Variants in ZNF260 observed in about 807,000 individuals in gnomAD.
The protein encoded by ZNF260 is zinc finger protein 260, also known as zfp-260.
In ZNF260, 21 loss-of-function variants were observed where a neutral mutation model predicts 29.3. That is an observed-to-expected ratio of 0.72 (90% CI 0.51 to 1.03). The LOEUF is 1.03. Ranked by LOEUF, ZNF260 falls within the 50% of genes least tolerant of loss-of-function variation. The probability of loss-of-function intolerance (pLI) is 0.00; values close to 1 mark genes in which losing one functional copy is unlikely to be tolerated. For missense variants in ZNF260, 465 were observed against 487.8 expected, an observed-to-expected ratio of 0.95 and a Z score of 0.44; for synonymous variants, 156 against 156.8, an observed-to-expected ratio of 0.99 and a Z score of 0.04.
At chr19:36,525,592 G>A (rs991528972) in intron 1 of ZNF260, among the ~76,000 whole-genome samples, 3 of 152,140 alleles carry the variant, frequency 2.0e-5, no homozygotes, top group African/African-American at 4.8e-5. Flanking sequence ...TTCGAGACCC[G>A]CCTGGCCAAC....
In ZNF260 at chr19:36,515,128, G is replaced by A. The variant is rs1299831880; in HGVS notation, c.111C>T (p.Ser37=). 2.5e-6 allele frequency: 4 copies of A among 1,613,754 alleles called. No individual in the cohort carries two copies. Among genetic ancestry groups the A allele is most frequent in the Non-Finnish European group, 8.5e-7 (1 of 1,179,906 alleles). ...YECNECRKTF[S]LKQNLVEHKK... Reference sequence around the variant, plus strand: ...TATGCTCTACAAGGTTTTGCTTCAGGCTAAAAGTTTTTCTACATTCATTAC... The same window carrying A: ...TATGCTCTACAAGGTTTTGCTTCAGACTAAAAGTTTTTCTACATTCATTAC... Residue 37 remains serine (S), a synonymous_variant, in exon 3 of 3, where the codon AGC becomes AGT. Coordinates refer to ENST00000523638, the MANE Select transcript of ZNF260 (RefSeq NM_001166037.2).
chr19:36,519,520 A>C (rs1440039950), intron 2 of ZNF260, among the ~76,000 whole-genome samples: 3 of 152,198 alleles, frequency 2.0e-5, no homozygotes, highest in Non-Finnish European at 4.4e-5. Context: ...CATAAAATAC[A>C]ATATAAATAA....
chr19:36,527,360 A>G (rs892097488), intron 1 of ZNF260, among the ~76,000 whole-genome samples: 1 of 152,254 alleles, frequency 6.6e-6, no homozygotes, highest in Admixed American at 6.5e-5. Flanking sequence ...TATGTTAAGA[A>G]TAAGTGTGAC....
chr19:36,521,849 A>T (rs1018144427), intron 2 of ZNF260, among the ~76,000 whole-genome samples: 3 of 151,724 alleles, frequency 2.0e-5, no homozygotes, highest in African/African-American at 4.8e-5. Context: ...GGAGTTTGAG[A>T]CCAGTCTGGC....
intron 2 of ZNF260, among the ~76,000 whole-genome samples, chr19:36,516,631 C>T (rs556569299): frequency 1.2e-4 from 19 of 152,180 alleles, no homozygotes; most frequent in South Asian, 4.1e-4. Context: ...CAGGCTGGAG[C>T]GCAGTGGCAT....
intron 2 of ZNF260, among the ~76,000 whole-genome samples, chr19:36,516,313 A>C (rs1568551570): frequency 6.6e-6 from 1 of 152,206 alleles, no homozygotes; most frequent in Non-Finnish European, 1.5e-5. Context: ...AGAGAAAATA[A>C]GGCTAGGTAT....
Position 36,515,477 on chromosome 19 carries a change from C to T in ZNF260, c.-239G>A. ...ATTCTTAATGGTTCTTATATAGCTT[C>T]TCCCATATTTAGGTATAGATTGTAT... On this transcript the variant is annotated 5_prime_UTR_variant, in exon 3 of 3. Coordinates refer to ENST00000523638, the MANE Select transcript of ZNF260 (RefSeq NM_001166037.2). 2.5e-6 allele frequency: 1 copy of T among 401,436 alleles called. No homozygotes were observed. Among genetic ancestry groups the T allele is most frequent in the Non-Finnish European group, 4.6e-6 (1 of 218,642 alleles). 24.9% of individuals were successfully genotyped at this position (401,436 alleles called of 1,614,324 possible). A position where few individuals can be genotyped will look rare whatever the true frequency, so the allele number is the denominator to read the frequency against.
At chr19:36,520,900 C>A (rs1349065862) in intron 2 of ZNF260, among the ~76,000 whole-genome samples, 2 of 149,076 alleles carry the variant, frequency 1.3e-5, no homozygotes, top group African/African-American at 4.9e-5. Flanking sequence ...TGGCCAACAC[C>A]GTGAGACCCT....
chr19:36,524,430 C>T (rs1330787609), intron 2 of ZNF260, among the ~76,000 whole-genome samples: 4 of 151,892 alleles, frequency 2.6e-5, no homozygotes, highest in African/African-American at 9.7e-5. Flanking sequence ...CCGCCAGCCT[C>T]GGCCTCCCAA....
At chr19:36,521,497 A>C (rs2034644363) in intron 2 of ZNF260, among the ~76,000 whole-genome samples, 1 of 152,240 alleles carries the variant, frequency 6.6e-6, no homozygotes, top group African/African-American at 2.4e-5. Flanking sequence ...ACACGCCTGT[A>C]ATCCCAGCAC....
intron 1 of ZNF260, among the ~76,000 whole-genome samples, chr19:36,527,713 G>T (rs2034759515): frequency 6.6e-6 from 1 of 151,974 alleles, no homozygotes; most frequent in African/African-American, 2.4e-5. Context: ...GGGTGTACAG[G>T]CACCCAGTAA....
chr19:36,515,351 G>GT lies in ZNF260; in HGVS notation c.-114dup. 8.6e-7 allele frequency: 1 copy of GT among 1,159,742 alleles called. No homozygotes were observed. The highest frequency in any genetic ancestry group is 1.2e-6 in the Non-Finnish European group (1 of 855,536). 71.8% of individuals were successfully genotyped at this position (1,159,742 alleles called of 1,614,324 possible). ...GTGTATTTTCAATATTAATTCTCAGGTATCTAATGAAGTTAAATTTATGAT... is the reference window on the plus strand; with the variant it reads ...GTGTATTTTCAATATTAATTCTCAGGTTATCTAATGAAGTTAAATTTATGAT... On this transcript the variant is annotated 5_prime_UTR_variant, in exon 3 of 3. Coordinates refer to ENST00000523638, the MANE Select transcript of ZNF260 (RefSeq NM_001166037.2).
At chr19:36,524,077 T>C (rs2034688038) in intron 2 of ZNF260, among the ~76,000 whole-genome samples, 1 of 152,146 alleles carries the variant, frequency 6.6e-6, no homozygotes, top group South Asian at 2.1e-4. Context: ...GAAAGAATGA[T>C]AGAAAGTTAA....
rs986286214 is a variant in ZNF260 at position 36,515,337 on chromosome 19, A to C, written c.-99T>G. 1 of 1,251,156 alleles carries C rather than the reference A, an allele frequency of 8.0e-7. No homozygotes were observed. Among genetic ancestry groups the C allele is most frequent in the African/African-American group, 1.5e-5 (1 of 66,256 alleles). 77.5% of individuals were successfully genotyped at this position (1,251,156 alleles called of 1,614,324 possible). ...ACTAAATTCATATGGTGTATTTTCA[A>C]TATTAATTCTCAGGTATCTAATGAA... On this transcript the variant is annotated 5_prime_UTR_variant, in exon 3 of 3. Transcript: ENST00000523638.
intron 2 of ZNF260, among the ~76,000 whole-genome samples, chr19:36,518,477 T>C (rs2034589173): frequency 6.6e-6 from 1 of 152,074 alleles, no homozygotes; most frequent in African/African-American, 2.4e-5. Flanking sequence ...AAATAAACAA[T>C]ATGAAATTGA....
intron 2 of ZNF260, among the ~76,000 whole-genome samples, chr19:36,519,396 T>C (rs974485343): frequency 6.6e-6 from 1 of 152,178 alleles, no homozygotes; most frequent in Admixed American, 6.6e-5. Flanking sequence ...AGCAGTGATC[T>C]TACTAGTATC....
chr19:36,513,754 G>A lies in ZNF260; in HGVS notation c.*246C>T. 1 of 535,152 alleles carries A rather than the reference G, an allele frequency of 1.9e-6. No homozygotes were observed. Among genetic ancestry groups the A allele is most frequent in the Middle Eastern group, 4.8e-4 (1 of 2,064 alleles). 33.2% of individuals were successfully genotyped at this position (535,152 alleles called of 1,614,324 possible). On this transcript the variant is annotated 3_prime_UTR_variant, in exon 3 of 3. Transcript: ENST00000523638. ...ACACATTAAGTAGTGTCCATGACTA[G>A]ATCCTAACTTTAATGAGTATACTCC...
chr19:36,513,979 C>G lies in ZNF260; in HGVS notation c.*21G>C. On this transcript the variant is annotated 3_prime_UTR_variant, in exon 3 of 3. Coordinates refer to ENST00000523638, the MANE Select transcript of ZNF260 (RefSeq NM_001166037.2). Reference sequence around the variant, plus strand: ...AAATCTGCTGAACGTTTTGCTAAATCCAAGGCATTCATAGAGAACTTTAAT... The same window carrying G: ...AAATCTGCTGAACGTTTTGCTAAATGCAAGGCATTCATAGAGAACTTTAAT... The G allele has an allele frequency of 6.3e-7, 1 of 1,593,534 alleles. No homozygotes were observed. Among genetic ancestry groups the G allele is most frequent in the Non-Finnish European group, 8.6e-7 (1 of 1,167,162 alleles).
intron 2 of ZNF260, among the ~76,000 whole-genome samples, chr19:36,519,006 T>C (rs1324488046): frequency 2.6e-5 from 4 of 151,978 alleles, no homozygotes; most frequent in Non-Finnish European, 5.9e-5. Context: ...GAACTCCGGC[T>C]TGGGCAAGAG....
Sources: gnomAD v4.1 joint callset for allele counts (sites outside exome capture counted in the v4.1 genomes callset) on GRCh38, gnomAD v4.1.1 for gene constraint, MANE v1.5 for transcripts, NCBI Gene and HGNC (gene_info 2026-07-23, HGNC 2026-07-21) for gene names.